Variants in SUMF1 observed in about 807,000 individuals in gnomAD.
SUMF1 encodes the protein sulfatase modifying factor 1.
Under a neutral mutation model 47.6 loss-of-function variants are expected in SUMF1, and 48 were observed. The ratio of observed to expected loss-of-function variants is 1.01; its 90% confidence interval spans 0.80 to 1.28. The LOEUF is 1.28. Ranked by LOEUF, SUMF1 falls within the 50% of genes most tolerant of loss-of-function variation. The pLI, the probability that SUMF1 is intolerant of heterozygous loss-of-function variation, is 0.00. For synonymous variants in SUMF1, 230 were observed against 192.1 expected, an observed-to-expected ratio of 1.20 and a Z score of -1.63; for missense variants, 571 against 485.4, an observed-to-expected ratio of 1.18 and a Z score of -1.66.
intron 9 of SUMF1, among the ~76,000 whole-genome samples, chr3:4,051,805 G>A (rs751403973): frequency 7.9e-5 from 12 of 152,060 alleles, no homozygotes; most frequent in African/African-American, 1.9e-4. Context: ...TTTGCACATC[G>A]GAAAAGACCT....
intron 9 of SUMF1, among the ~76,000 whole-genome samples, chr3:4,058,651 T>C (rs1695229904): frequency 6.6e-6 from 1 of 152,088 alleles, no homozygotes; most frequent in African/African-American, 2.4e-5. Context: ...AGATAATATG[T>C]TGACATAGTA....
chr3:4,456,915 CGTGTGT>C (rs1199326928), intron 1 of SUMF1, among the ~76,000 whole-genome samples: 1 of 42,708 alleles, frequency 2.3e-5, no homozygotes, highest in Non-Finnish European at 4.8e-5. Flanking sequence ...TATCTATATA[CGTGTGT>C]GTGTATATAT....
intron 8 of SUMF1, among the ~76,000 whole-genome samples, chr3:4,093,867 T>C (rs750475414): frequency 6.6e-6 from 1 of 152,118 alleles, no homozygotes; most frequent in Non-Finnish European, 1.5e-5. Context: ...TTTCAGCCTA[T>C]GGACAGTTGA....
At chr3:4,055,108 T>C (rs1011077060) in intron 9 of SUMF1, among the ~76,000 whole-genome samples, 2 of 152,170 alleles carry the variant, frequency 1.3e-5, no homozygotes, top group African/African-American at 4.8e-5. Flanking sequence ...GTTTTCTTCA[T>C]GCAGTGTGTT....
intron 8 of SUMF1, among the ~76,000 whole-genome samples, chr3:4,133,573 C>A (rs1211672314): frequency 6.6e-6 from 1 of 152,076 alleles, no homozygotes; most frequent in Non-Finnish European, 1.5e-5. Flanking sequence ...ACAATCTAAT[C>A]AGTTGCCTGT....
At chr3:4,345,370 G>T (rs150375745) in intron 8 of SUMF1, among the ~76,000 whole-genome samples, 2 of 152,134 alleles carry the variant, frequency 1.3e-5, no homozygotes, top group Non-Finnish European at 2.9e-5. Context: ...AGACAGTGGG[G>T]GCCAATATTC....
At chr3:4,390,468 T>G (rs1176888711) in intron 7 of SUMF1, among the ~76,000 whole-genome samples, 1 of 152,204 alleles carries the variant, frequency 6.6e-6, no homozygotes, top group Non-Finnish European at 1.5e-5. Flanking sequence ...GACTGCCCAT[T>G]TCCTACTTGC....
intron 8 of SUMF1, among the ~76,000 whole-genome samples, chr3:4,080,069 C>A (rs1193051247): frequency 1.3e-5 from 2 of 151,888 alleles, no homozygotes; most frequent in Non-Finnish European, 2.9e-5. Context: ...CCCAGAGGGT[C>A]CTGTATTTCC....
intron 8 of SUMF1, among the ~76,000 whole-genome samples, chr3:4,131,578 G>A (rs1314268643): frequency 2.0e-5 from 3 of 152,134 alleles, no homozygotes; most frequent in African/African-American, 4.8e-5. Flanking sequence ...AAGTGCATAT[G>A]GAATGGCCAG....
At chr3:4,437,982 GAA>G (rs969934496) in intron 3 of SUMF1, among the ~76,000 whole-genome samples, 1 of 151,664 alleles carries the variant, frequency 6.6e-6, no homozygotes, top group African/African-American at 2.4e-5. Flanking sequence ...GTGAAAAAAA[GAA>G]AAAGTATATA....
chr3:4,417,101 C>T, intron 6 of SUMF1, 27 bp downstream of exon 6: 1 of 1,607,504 alleles, frequency 6.2e-7, no homozygotes. Context: ...GCAGCTGCCA[C>T]CCTCCTGCAG....
At chr3:4,463,652 T>C (rs2125175598) in intron 1 of SUMF1, among the ~76,000 whole-genome samples, 1 of 152,354 alleles carries the variant, frequency 6.6e-6, no homozygotes, top group East Asian at 1.9e-4. Flanking sequence ...GGCATTCGAT[T>C]GTGCCTCATT....
intron 8 of SUMF1, among the ~76,000 whole-genome samples, chr3:4,122,933 G>C (rs35908459): frequency 0.33 from 49,513 of 152,038 alleles, 8,711 homozygotes; most frequent in Non-Finnish European, 0.4. Context: ...CTGGGGGACA[G>C]TGGATATGTG....
chr3:4,348,371 C>A (rs1380959812), intron 8 of SUMF1, among the ~76,000 whole-genome samples: 2 of 152,080 alleles, frequency 1.3e-5, no homozygotes, highest in Non-Finnish European at 2.9e-5. Flanking sequence ...GGAAGCAATA[C>A]CACACATCTA....
intron 8 of SUMF1, among the ~76,000 whole-genome samples, chr3:4,151,395 A>ATG (rs1177944814): frequency 1.0e-5 from 1 of 97,460 alleles, no homozygotes; most frequent in Non-Finnish European, 2.2e-5. Context: ...ATATGTATAT[A>ATG]TATGTATATG....
At chr3:4,182,017 C>G (rs1288831415) in intron 8 of SUMF1, among the ~76,000 whole-genome samples, 3 of 152,008 alleles carry the variant, frequency 2.0e-5, no homozygotes, top group African/African-American at 7.3e-5. Context: ...TGTTATAGTT[C>G]GATTTGTAAC....
intron 8 of SUMF1, among the ~76,000 whole-genome samples, chr3:4,153,588 TA>T (rs1371042554): frequency 6.6e-6 from 1 of 150,376 alleles, no homozygotes; most frequent in Non-Finnish European, 1.5e-5. Flanking sequence ...TCCTTATAAA[TA>T]AAAAATATAT....
chr3:4,288,256 G>A (rs1237621899), intron 8 of SUMF1, among the ~76,000 whole-genome samples: 1 of 152,148 alleles, frequency 6.6e-6, no homozygotes, highest in Non-Finnish European at 1.5e-5. Flanking sequence ...GTACTGACAA[G>A]GGAAAAAACT....
intron 8 of SUMF1, among the ~76,000 whole-genome samples, chr3:4,243,118 T>C (rs1207266697): frequency 4.6e-5 from 7 of 152,216 alleles, no homozygotes; most frequent in Non-Finnish European, 8.8e-5. Context: ...ATGCCGTTTA[T>C]CATTTTTTAT....
Sources: gnomAD v4.1 joint callset for allele counts (sites outside exome capture counted in the v4.1 genomes callset) on GRCh38, gnomAD v4.1.1 for gene constraint, MANE v1.5 for transcripts, NCBI Gene and HGNC (gene_info 2026-07-23, HGNC 2026-07-21) for gene names.